Variants in P2RY12 observed in about 807,000 individuals in gnomAD.
P2RY12 encodes the protein purinergic receptor P2Y12.
P2RY12 carries 3 observed loss-of-function variants against 4.5 expected under a neutral mutation model. That is an observed-to-expected ratio of 0.67 (90% CI 0.31 to 1.74). The LOEUF (loss-of-function observed/expected upper bound fraction) is 1.74. P2RY12 is among the 40% of genes most tolerant of loss of function. The pLI is 0.09. For synonymous variants in P2RY12, 148 were observed against 154.1 expected (o/e 0.96, Z 0.29); for missense variants, 356 against 407.8 (o/e 0.87, Z 1.09).
At chr3:151,365,083 C>T (rs1322783660) in intron 1 of P2RY12, 1 of 1,613,846 alleles carries the variant, frequency 6.2e-7, no homozygotes, top group African/African-American at 1.3e-5. Flanking sequence ...ATTGAGAATC[C>T]CTCAGCCCGC....
chr3:151,362,982 C>A (rs138257212), intron 1 of P2RY12, among the ~76,000 whole-genome samples: 1 of 152,054 alleles, frequency 6.6e-6, no homozygotes, highest in Admixed American at 6.6e-5. Context: ...TTACAGCAGC[C>A]GTTTTTTTAA....
intron 1 of P2RY12, among the ~76,000 whole-genome samples, chr3:151,349,350 C>T (rs1752946839): frequency 6.6e-6 from 1 of 152,168 alleles, no homozygotes; most frequent in South Asian, 2.1e-4. Flanking sequence ...TTTGCATTTT[C>T]AGCTGTTTGC....
At chr3:151,350,128 G>A (rs113750755) in intron 1 of P2RY12, 1 of 1,613,698 alleles carries the variant, frequency 6.2e-7, no homozygotes, top group South Asian at 1.1e-5. Flanking sequence ...AGAGCGTGAT[G>A]AAGCAAGGCA....
At chr3:151,368,929 T>G (rs891827781) in intron 1 of P2RY12, among the ~76,000 whole-genome samples, 1 of 151,582 alleles carries the variant, frequency 6.6e-6, no homozygotes, top group Non-Finnish European at 1.5e-5. Flanking sequence ...GCCTGGCAAA[T>G]TTTTGTATTT....
chr3:151,369,773 T>C (rs1755955823), intron 1 of P2RY12, among the ~76,000 whole-genome samples: 1 of 152,220 alleles, frequency 6.6e-6, no homozygotes, highest in East Asian at 1.9e-4. Flanking sequence ...TAATATTTTT[T>C]ATGGTATTTT....
intron 1 of P2RY12, chr3:151,383,723 G>C (rs1712819850): frequency 1.8e-6 from 2 of 1,098,768 alleles, no homozygotes; most frequent in Non-Finnish European, 2.7e-6. Flanking sequence ...ATAAAGCAAT[G>C]GGGTGTTCTT....
intron 1 of P2RY12, among the ~76,000 whole-genome samples, chr3:151,342,777 C>T (rs1285987718): frequency 6.6e-6 from 1 of 152,134 alleles, no homozygotes; most frequent in Non-Finnish European, 1.5e-5. Context: ...AAATCTTAGC[C>T]TTCCTTATTT....
rs569142320 is a variant in P2RY12, at chr3:151,347,714, T to G, written c.-179-6954A>C. ...GATGTGCAGAGGAGGAGGGGAAGTCTAGCATGTGAATTAACAGTAGTGAAC... is the reference window on the plus strand; with the variant it reads ...GATGTGCAGAGGAGGAGGGGAAGTCGAGCATGTGAATTAACAGTAGTGAAC... On this transcript the variant is annotated intron_variant, in intron 1 of 2. Transcript: ENST00000302632. Among the ~76,000 whole-genome samples the G allele has an allele frequency of 2.2e-4, 34 of 152,272 alleles. No individual in the cohort carries two copies. In the South Asian group the frequency reaches 6.8e-3, roughly 31 times the overall value.
At chr3:151,368,109 A>G (rs1180741615) in intron 1 of P2RY12, 1 of 1,488,442 alleles carries the variant, frequency 6.7e-7, no homozygotes, top group Admixed American at 1.7e-5. Context: ...CTTGTTCCCA[A>G]GTGTGTTAGA....
chr3:151,367,803 T>C (rs763827425), intron 1 of P2RY12: 2 of 1,576,436 alleles, frequency 1.3e-6, no homozygotes, highest in Non-Finnish European at 1.7e-6. Flanking sequence ...TGCTCTTTGA[T>C]TGTTGTCTTG....
At chr3:151,368,141 C>T in intron 1 of P2RY12, 1 of 1,612,304 alleles carries the variant, frequency 6.2e-7, no homozygotes, top group East Asian at 2.2e-5. Flanking sequence ...TCCAATCCCC[C>T]TTTCCTAGCT....
chr3:151,377,899 T>C, intron 1 of P2RY12: 1 of 1,048,016 alleles, frequency 9.5e-7, no homozygotes, highest in Non-Finnish European at 1.3e-6. Context: ...AGGGAAATTT[T>C]AGAACAGTCT....
intron 1 of P2RY12, chr3:151,355,261 T>C: frequency 1.3e-6 from 2 of 1,525,356 alleles, no homozygotes; most frequent in South Asian, 1.1e-5. Context: ...AAGCTGTTTA[T>C]TATGCATTTG....
intron 1 of P2RY12, chr3:151,369,600 C>CA: frequency 8.4e-7 from 1 of 1,184,522 alleles, no homozygotes; most frequent in Non-Finnish European, 1.2e-6. Context: ...GAAATGAAGG[C>CA]AAAATAATTT....
At chr3:151,368,153 G>T (rs773986397) in intron 1 of P2RY12, 1 of 1,613,758 alleles carries the variant, frequency 6.2e-7, no homozygotes, top group African/African-American at 1.3e-5. Context: ...TTCCTAGCTT[G>T]TGGGGATGCG....
chr3:151,361,269 G>A (rs1163844102), intron 1 of P2RY12, among the ~76,000 whole-genome samples: 1 of 151,992 alleles, frequency 6.6e-6, no homozygotes, highest in Non-Finnish European at 1.5e-5. Context: ...CTGTTTAGCA[G>A]GTAACTTTTT....
intron 1 of P2RY12, among the ~76,000 whole-genome samples, chr3:151,350,516 A>G (rs1753092454): frequency 6.6e-6 from 1 of 152,144 alleles, no homozygotes; most frequent in Non-Finnish European, 1.5e-5. Flanking sequence ...TATAGTAGTA[A>G]TAAATGAAGT....
At chr3:151,377,460 T>C (rs1756982393) in intron 1 of P2RY12, among the ~76,000 whole-genome samples, 1 of 152,230 alleles carries the variant, frequency 6.6e-6, no homozygotes, top group Admixed American at 6.5e-5. Context: ...GTATTCATTA[T>C]ATGGGAAACG....
chr3:151,374,920 TA>T (rs1756643327), intron 1 of P2RY12, among the ~76,000 whole-genome samples: 1 of 152,212 alleles, frequency 6.6e-6, no homozygotes, highest in African/African-American at 2.4e-5. Context: ...ATATTTGTTT[TA>T]AAAGTTCTCT....
Sources: allele counts gnomAD v4.1 joint callset (sites outside exome capture counted in the v4.1 genomes callset), GRCh38; gene constraint gnomAD v4.1.1; transcripts MANE v1.5; gene names NCBI Gene and HGNC (gene_info 2026-07-23, HGNC 2026-07-21).